The following SNX29 variants were observed in gnomAD, a reference collection of about 807,000 sequenced individuals.
The protein encoded by SNX29 is sorting nexin-29.
A neutral mutation model predicts 102.1 loss-of-function variants in SNX29; 78 were observed. The ratio of observed to expected loss-of-function variants is 0.76; its 90% CI spans 0.64 to 0.92. The LOEUF is 0.92. Among genes scored for constraint, SNX29 ranks in the 40% least tolerant of loss-of-function variants. The pLI is 0.00. For missense variants in SNX29, 1,280 were observed against 1,061.7 expected (o/e 1.21, Z -2.86); for synonymous variants, 580 against 414.5 (o/e 1.40, Z -4.85).
At chr16:12,007,021 C>T (rs929436528) in intron 3 of SNX29, among the ~76,000 whole-genome samples, 3 of 152,176 alleles carry the variant, frequency 2.0e-5, no homozygotes, top group Non-Finnish European at 4.4e-5. Context: ...CTTGTTCTTT[C>T]TCCCTTGTGT....
At chr16:12,117,496 C>G (rs972443228) in intron 11 of SNX29, among the ~76,000 whole-genome samples, 5 of 152,102 alleles carry the variant, frequency 3.3e-5, no homozygotes, top group Admixed American at 6.6e-5. Context: ...GTCAAAGGAG[C>G]CAGGCAAAAA....
At chr16:12,262,652 C>G (rs1333785490) in intron 14 of SNX29, among the ~76,000 whole-genome samples, 1 of 152,208 alleles carries the variant, frequency 6.6e-6, no homozygotes, top group Non-Finnish European at 1.5e-5. Context: ...AAAACAAAAC[C>G]AGTAAGAGTA....
At chr16:12,260,401 T>C (rs1244835435) in intron 14 of SNX29, among the ~76,000 whole-genome samples, 1 of 152,252 alleles carries the variant, frequency 6.6e-6, no homozygotes, top group Admixed American at 6.5e-5. Context: ...GTTGTGCGCC[T>C]GGTGCTCCTT....
intron 18 of SNX29, among the ~76,000 whole-genome samples, chr16:12,435,922 C>A (rs2085513038): frequency 2.6e-5 from 4 of 152,148 alleles, no homozygotes; most frequent in Non-Finnish European, 5.9e-5. Flanking sequence ...AGCACGCTAT[C>A]TGTGGGAACA....
intron 15 of SNX29, among the ~76,000 whole-genome samples, chr16:12,316,903 AG>A (rs1200654793): frequency 6.6e-6 from 1 of 152,228 alleles, no homozygotes; most frequent in Non-Finnish European, 1.5e-5. Context: ...GTAGAGAGAC[AG>A]GTTTTCAGTC....
chr16:11,981,861 G>C (rs1028491295), intron 1 of SNX29, among the ~76,000 whole-genome samples: 3 of 152,078 alleles, frequency 2.0e-5, no homozygotes, highest in Admixed American at 2.0e-4. Context: ...GGATTGATAC[G>C]GATTCATACA....
At chr16:12,364,283 C>T (rs1200050858) in intron 16 of SNX29, among the ~76,000 whole-genome samples, 1 of 152,098 alleles carries the variant, frequency 6.6e-6, no homozygotes. Flanking sequence ...TCAAGCGATC[C>T]TCCTGCTTTG....
chr16:12,042,432 G>T (rs541887667), intron 4 of SNX29, among the ~76,000 whole-genome samples: 129 of 152,308 alleles, frequency 8.5e-4, no homozygotes, highest in Non-Finnish European at 1.5e-3. Context: ...CTCCCAGGCA[G>T]TGAACATAGT....
chr16:12,195,178 T>C (rs1439399899), intron 13 of SNX29, among the ~76,000 whole-genome samples: 1 of 152,222 alleles, frequency 6.6e-6, no homozygotes, highest in Non-Finnish European at 1.5e-5. Context: ...TGTGTGTATA[T>C]ACGTAATATT....
At chr16:12,514,995 T>A (rs1002075833) in intron 19 of SNX29, among the ~76,000 whole-genome samples, 1 of 151,960 alleles carries the variant, frequency 6.6e-6, no homozygotes, top group Non-Finnish European at 1.5e-5. Context: ...ATAAATGAAA[T>A]GATGCTTAAG....
intron 20 of SNX29, among the ~76,000 whole-genome samples, chr16:12,564,889 T>A (rs3929069): frequency 6.8e-6 from 1 of 147,200 alleles, no homozygotes; most frequent in Non-Finnish European, 1.5e-5. Context: ...GAGGATCCTG[T>A]GGGGAGGAGG....
chr16:12,375,067 A>G (rs1402540110), intron 16 of SNX29: 1 of 152,136 alleles, frequency 6.6e-6, no homozygotes, highest in Non-Finnish European at 1.5e-5. Flanking sequence ...AAATGCATGG[A>G]TTGAAAAGGC....
chr16:12,052,129 G>A lies in SNX29; in HGVS notation c.1031G>A (p.Ser344Asn). The change falls in exon 8 of 21, where the codon AGC (serine) becomes AAC (asparagine). Residue 344 changes from serine (S) to asparagine (N), a missense_variant. Coordinates refer to ENST00000566228, the MANE Select transcript of SNX29 (RefSeq NM_032167.5). The stretch of plus-strand genomic sequence containing the variant: ...GGGTACCAGAAGCTTGATGTGAAAA[G>A]CATCGATGATGAAGATGTGGATGAA... ...EFGYQKLDVK[S>N]IDDEDVDENE... The A allele has an allele frequency of 3.1e-6, 5 of 1,613,982 alleles. No homozygotes were observed. Among genetic ancestry groups the A allele is most frequent in the Non-Finnish European group, 3.4e-6 (4 of 1,179,872 alleles).
intron 13 of SNX29, among the ~76,000 whole-genome samples, chr16:12,182,001 A>C (rs1200060185): frequency 1.3e-5 from 2 of 150,900 alleles, no homozygotes; most frequent in Non-Finnish European, 2.9e-5. Flanking sequence ...CTCCTGCCTC[A>C]CTGTTCTAAG....
chr16:12,382,734 G>C (rs1420007762), intron 16 of SNX29, among the ~76,000 whole-genome samples: 1 of 152,198 alleles, frequency 6.6e-6, no homozygotes, highest in Non-Finnish European at 1.5e-5. Flanking sequence ...GGAGGCTCTA[G>C]GGGAAGATCC....
At chr16:12,278,444 C>T (rs1371861685) in intron 15 of SNX29, among the ~76,000 whole-genome samples, 1 of 151,670 alleles carries the variant, frequency 6.6e-6, no homozygotes. Flanking sequence ...GCAAACTGGT[C>T]GAAGGGACCC....
At chr16:12,101,059 C>G (rs1446477143) in intron 11 of SNX29, among the ~76,000 whole-genome samples, 3 of 152,224 alleles carry the variant, frequency 2.0e-5, no homozygotes, top group Non-Finnish European at 4.4e-5. Context: ...CGAAGAGTGC[C>G]TCTCCAGTCT....
At chr16:12,013,500 A>AAATATATAT in intron 3 of SNX29, among the ~76,000 whole-genome samples, 12 of 31,616 alleles carry the variant, frequency 3.8e-4, no homozygotes, top group Middle Eastern at 0.019. Flanking sequence ...AAAAAAAAAA[A>AAATATATAT]ATATATATAT....
In SNX29 at chr16:12,572,182, A is replaced by G; in HGVS notation, c.*3553A>G. On this transcript the variant is annotated 3_prime_UTR_variant, in exon 21 of 21. Transcript: ENST00000566228. ...TTTTGATAACCATGTAATTTCTTAG[A>G]ACCATGGCAGGTAGTATTGTGCTTT... 1 of 972,234 alleles carries G rather than the reference A, an allele frequency of 1.0e-6. No individual in the cohort carries two copies. Among genetic ancestry groups the G allele is most frequent in the Non-Finnish European group, 1.3e-6 (1 of 795,310 alleles). The allele number at this position is 972,234 out of a possible 1,614,324, so 60.2% of individuals were successfully genotyped here. A position where few individuals can be genotyped will look rare whatever the true frequency, so the allele number is the denominator to read the frequency against.
Sources: allele counts gnomAD v4.1 joint callset (sites outside exome capture counted in the v4.1 genomes callset), GRCh38; gene constraint gnomAD v4.1.1; transcripts MANE v1.5; gene names NCBI Gene and HGNC (gene_info 2026-07-23, HGNC 2026-07-21).